SMARCC2: variants seen among roughly 807,000 people sequenced by gnomAD.
The protein encoded by SMARCC2 is SWI/SNF complex subunit SMARCC2.
Under a neutral mutation model 151.3 loss-of-function variants are expected in SMARCC2, and 15 were observed. The observed-to-expected ratio is 0.10, with a 90% CI of 0.07 to 0.15. The LOEUF (loss-of-function observed/expected upper bound fraction) is 0.15, where lower values mean the gene tolerates loss of function less well. SMARCC2 is among the 10% of genes least tolerant of loss of function. SMARCC2 has a pLI of 1.00. For synonymous variants in SMARCC2, 590 were observed against 609.5 expected (o/e 0.97, Z 0.47); for missense variants, 1,031 against 1,599.7 (o/e 0.64, Z 6.06).
chr12:56,178,089 G>A lies in SMARCC2; in HGVS notation c.1315C>T (p.His439Tyr). The change falls in exon 15 of 29, where the codon CAT becomes TAT. Residue 439 changes from histidine (H) to tyrosine (Y), a missense_variant. His to Tyr is a moderately conservative substitution (Grantham distance 83). Coordinates refer to ENST00000550164, the MANE Select transcript of SMARCC2 (RefSeq NM_001330288.2). ...GGGAGAGCCCTCCGCTCAATGGCATGAACACTGCAAGAAAAGCCAGAATGG... is the reference window on the plus strand; with the variant it reads ...GGGAGAGCCCTCCGCTCAATGGCATAAACACTGCAAGAAAAGCCAGAATGG... The part of the protein sequence containing the change: ...YAAWFDYNSV[H>Y]AIERRALPEF... 6.2e-7 allele frequency: 1 copy of A among 1,612,628 alleles called. No homozygotes were observed. Among genetic ancestry groups the A allele is most frequent in the Non-Finnish European group, 8.5e-7 (1 of 1,178,978 alleles).
chr12:56,179,697 G>GT (rs1394125489), intron 11 of SMARCC2, among the ~76,000 whole-genome samples: 2 of 152,098 alleles, frequency 1.3e-5, no homozygotes. Flanking sequence ...TTTTTGTTTT[G>GT]TTTTTTTGAG....
At chr12:56,173,320 T>G (rs1874313702) in intron 17 of SMARCC2, among the ~76,000 whole-genome samples, 1 of 152,108 alleles carries the variant, frequency 6.6e-6, no homozygotes, top group African/African-American at 2.4e-5. Flanking sequence ...TTGTAATGGA[T>G]GAAGTGGAAA....
intron 15 of SMARCC2, among the ~76,000 whole-genome samples, chr12:56,177,068 G>A (rs1390771568): frequency 1.3e-5 from 2 of 152,076 alleles, no homozygotes; most frequent in Non-Finnish European, 2.9e-5. Context: ...TGATCCGCCC[G>A]CCTCAGCCTC....
rs999148248 is a variant in SMARCC2, at chr12:56,170,200, C to T, written c.2356G>A (p.Gly786Arg). 6.2e-6 allele frequency: 10 copies of T among 1,613,510 alleles called. No homozygotes were observed. The highest frequency in any genetic ancestry group is 2.2e-5 in the East Asian group (1 of 44,898). Residue 786 changes from glycine to arginine, a missense_variant, in exon 23 of 29, where the codon GGG (glycine) becomes AGG (arginine). Physicochemically the swap from Gly to Arg is moderately radical, Grantham distance 125. This residue lies in a region of SMARCC2 where 119 missense variants were observed against 184.2 expected (regional missense o/e 0.65). Coordinates refer to ENST00000550164, the MANE Select transcript of SMARCC2 (RefSeq NM_001330288.2). ...CCTTCCACCCGAGCCTCGTCATTCC[C>T]GCTCTCCTCTGGGCCCATGAGAAAA... ...SDEPERIEES[G>R]NDEARVEGQA...
chr12:56,179,989 C>T (rs951265694), intron 11 of SMARCC2, among the ~76,000 whole-genome samples: 1 of 151,102 alleles, frequency 6.6e-6, no homozygotes, highest in Non-Finnish European at 1.5e-5. Flanking sequence ...CCTGATTCTT[C>T]ATGTTTGTTT....
In SMARCC2 at chr12:56,163,465, T is replaced by C. The variant is rs1218136309; in HGVS notation, c.*224A>G. The C allele has an allele frequency of 5.6e-6, 2 of 359,360 alleles. No individual in the cohort carries two copies. The highest frequency in any genetic ancestry group is 4.3e-5 in the African/African-American group (2 of 46,990). 22.3% of individuals were successfully genotyped at this position (359,360 alleles called of 1,614,324 possible). A position where few individuals can be genotyped will look rare whatever the true frequency, so the allele number is the denominator to read the frequency against. ...GGCAGCATTCCCATCCTATCCTCTCTCCCAGACATTATAAACATCTTTTAA... is the reference window on the plus strand; with the variant it reads ...GGCAGCATTCCCATCCTATCCTCTCCCCCAGACATTATAAACATCTTTTAA... On this transcript the variant is annotated 3_prime_UTR_variant, in exon 29 of 29. Transcript: ENST00000550164.
At chr12:56,173,619 C>T (rs1416330765) in intron 17 of SMARCC2, 77 bp downstream of exon 17, 3 of 1,379,494 alleles carry the variant, frequency 2.2e-6, no homozygotes, top group Non-Finnish European at 3.0e-6. Flanking sequence ...AACCATTACC[C>T]TAAAAACCAG....
In SMARCC2 at chr12:56,181,573, G is replaced by A; in HGVS notation, c.865C>T (p.Arg289Trp). Residue 289 changes from arginine to tryptophan, a missense_variant, in exon 10 of 29, where the codon CGG becomes TGG. Physicochemically the swap from Arg to Trp is moderately radical, Grantham distance 101. Around this residue, in one of 12 missense-constraint regions of SMARCC2, gnomAD observed 123 missense variants for 190.4 expected, o/e 0.65. Transcript: ENST00000550164. ...TTATAGTTTCCCCCCTTCTTGTCCC[G>A]TCGATCTGAATCTGGGCTGTTCACC... ...DEVNSPDSDR[R>W]DKKGGNYKKR... The A allele has an allele frequency of 3.8e-6, 6 of 1,594,096 alleles. No homozygotes were observed. Among genetic ancestry groups the A allele is most frequent in the Non-Finnish European group, 5.1e-6 (6 of 1,169,998 alleles).
rs1438642551 is a variant in SMARCC2 at position 56,181,731 on chromosome 12, C to T, written c.813G>A (p.Lys271=). The stretch of plus-strand genomic sequence containing the variant: ...CATCTGTCAGTGTCTTGGCTGAAAT[C>T]TTCTTTCGGCGGGAGACAGGGTTTT... ...DDKNPVSRRK[K]ISAKTLTDEV... The change falls in exon 9 of 29, where the codon AAG becomes AAA. Residue 271 remains lysine (K), a synonymous_variant. Transcript: ENST00000550164. 4 of 1,614,042 alleles carry T rather than the reference C, an allele frequency of 2.5e-6. No individual in the cohort carries two copies. The highest frequency in any genetic ancestry group is 1.3e-5 in the African/African-American group (1 of 74,914).
In SMARCC2 at chr12:56,162,498, C is replaced by T; in HGVS notation, c.*1191G>A. The T allele has an allele frequency of 1.8e-6, 1 of 564,450 alleles. No homozygotes were observed. The highest frequency in any genetic ancestry group is 3.1e-6 in the Non-Finnish European group (1 of 322,938). The allele number at this position is 564,450 out of a possible 1,614,324, so 35.0% of individuals were successfully genotyped here. A position where few individuals can be genotyped will look rare whatever the true frequency, so the allele number is the denominator to read the frequency against. ...ACATGGGGACATGAGGAACAAAGGG[C>T]CTGGTGGGAGGAACCAAGAAGAACC... On this transcript the variant is annotated 3_prime_UTR_variant, in exon 29 of 29. Coordinates refer to ENST00000550164, the MANE Select transcript of SMARCC2 (RefSeq NM_001330288.2).
At position 56,178,886 on chromosome 12, in the gene SMARCC2, T is replaced by A. The variant is rs370785642; in HGVS notation, c.1142-39A>T. 3.1e-6 allele frequency: 5 copies of A among 1,611,184 alleles called. No individual in the cohort carries two copies. The African/African-American group carries it at 6.7e-5, about 22-fold the overall frequency. On this transcript the variant is annotated intron_variant, in intron 12 of 28. Transcript: ENST00000550164. ...ACCAAGATGTAAGGCTGGAGCCTCC[T>A]GAGGGGCAAGAAAGCCCTACCAAAA... is the stretch of plus-strand genomic sequence containing the variant.
chr12:56,171,517 T>C lies in SMARCC2; in HGVS notation c.2186-85A>G, dbSNP rs948047960. 3 of 1,570,034 alleles carry C rather than the reference T, an allele frequency of 1.9e-6. No homozygotes were observed. Among genetic ancestry groups the C allele is most frequent in the Non-Finnish European group, 1.7e-6 (2 of 1,145,930 alleles). Reference sequence around the variant, plus strand: ...CTGCAAAAGCTTACTCACAAGCCCATGTCTTCATCTAAGCTAGTATGGAGC... The same window carrying C: ...CTGCAAAAGCTTACTCACAAGCCCACGTCTTCATCTAAGCTAGTATGGAGC... On this transcript the variant is annotated intron_variant, in intron 21 of 28. Transcript: ENST00000550164. The surrounding 1 kb of genome is among the most constrained non-coding windows in gnomAD (Gnocchi z 4.2).
At chr12:56,172,822 G>T in intron 18 of SMARCC2, 115 bp downstream of exon 18, 2 of 1,555,696 alleles carry the variant, frequency 1.3e-6, no homozygotes, top group Non-Finnish European at 1.8e-6. Flanking sequence ...ACCCCTGGGT[G>T]GGACTTCCTC....
At chr12:56,163,866 C>G in intron 28 of SMARCC2, 101 bp from the exon 29 acceptor site, 1 of 706,774 alleles carries the variant, frequency 1.4e-6, no homozygotes, top group Non-Finnish European at 2.2e-6. Context: ...CATGCAGTGG[C>G]TGGGTGGATG....
rs535660682 is a variant in SMARCC2, at chr12:56,186,392, C to G, written c.232-152G>C. On this transcript the variant is annotated intron_variant, in intron 2 of 28. Coordinates refer to ENST00000550164, the MANE Select transcript of SMARCC2 (RefSeq NM_001330288.2). Reference sequence around the variant, plus strand: ...TGAGATGGAGTTTCACTCTTGTTGCCCAGGCTGGAGTGCAATGGCGCGATC... The same window carrying G: ...TGAGATGGAGTTTCACTCTTGTTGCGCAGGCTGGAGTGCAATGGCGCGATC... The G allele has an allele frequency of 9.6e-6, 6 of 624,010 alleles. No individual in the cohort carries two copies. In the Admixed American group the frequency reaches 1.6e-4, roughly 17 times the overall value. The allele number at this position is 624,010 out of a possible 1,614,324, so 38.7% of individuals were successfully genotyped here.
chr12:56,187,403 G>T, intron 1 of SMARCC2, 97 bp from the exon 2 acceptor site: 2 of 1,220,938 alleles, frequency 1.6e-6, no homozygotes, highest in Non-Finnish European at 1.2e-6. Flanking sequence ...AGCATGTGGA[G>T]CAAAGAAAAT....
chr12:56,171,902 C>T lies in SMARCC2; in HGVS notation c.1962G>A (p.Val654=), dbSNP rs1157089132. The part of the protein sequence containing the change: ...LEMYKDDWNK[V]SEHVGSRTQD... ...GTGTGCGGCTTCCCACATGCTCGGA[C>T]ACTTTGTTCCAGTCATCTTTGTACA... Residue 654 remains valine (V), a synonymous_variant, in exon 21 of 29, where the codon GTG becomes GTA. Coordinates refer to ENST00000550164, the MANE Select transcript of SMARCC2 (RefSeq NM_001330288.2). The surrounding 1 kb of genome is among the most constrained non-coding windows in gnomAD (Gnocchi z 4.2). 3 of 1,612,334 alleles carry T rather than the reference C, an allele frequency of 1.9e-6. No homozygotes were observed. The highest frequency in any genetic ancestry group is 2.7e-5 in the African/African-American group (2 of 74,882).
At chr12:56,170,890 G>A (rs1346075369) in intron 22 of SMARCC2, among the ~76,000 whole-genome samples, 1 of 151,722 alleles carries the variant, frequency 6.6e-6, no homozygotes, top group East Asian at 1.9e-4. Context: ...GTGCCACCAC[G>A]CCCAGCTAAT....
At chr12:56,172,797 C>G in intron 18 of SMARCC2, 93 bp from the exon 19 acceptor site, 1 of 1,591,826 alleles carries the variant, frequency 6.3e-7, no homozygotes, top group South Asian at 1.1e-5. Flanking sequence ...GAGCTTCTTT[C>G]CCAAAGCCAG....
Sources: allele counts gnomAD v4.1 joint callset (sites outside exome capture counted in the v4.1 genomes callset), GRCh38; gene constraint gnomAD v4.1.1; regional missense constraint gnomAD v4.1.1; non-coding constraint Gnocchi (gnomAD v3.1); transcripts MANE v1.5; gene names NCBI Gene and HGNC (gene_info 2026-07-23, HGNC 2026-07-21).